Variants in BAG1 observed in about 807,000 individuals in gnomAD.
BAG1 encodes BAG cochaperone 1.
A neutral mutation model predicts 35.5 loss-of-function variants in BAG1; 35 were observed. The observed-to-expected ratio is 0.99, with a 90% CI of 0.75 to 1.31. The LOEUF (loss-of-function observed/expected upper bound fraction) is 1.31. Among genes scored for constraint, BAG1 ranks in the 50% most tolerant of loss-of-function variants. The probability of loss-of-function intolerance (pLI) is 0.00; values close to 1 mark genes in which losing one functional copy is unlikely to be tolerated. For synonymous variants in BAG1, 191 were observed against 178.9 expected (o/e 1.07, Z -0.54); for missense variants, 464 against 453.6 (o/e 1.02, Z -0.21).
At position 33,264,394 on chromosome 9, in the gene BAG1, A is replaced by C. The variant is rs1820659369; in HGVS notation, c.281T>G (p.Leu94Arg). ...TTCACTCCAGGTCGCTTCCTCACTC[A>C]GGGTCAACTCCTCGCTCCGGGTCAA... The change falls in exon 1 of 7, where the codon CTG becomes CGG. Residue 94 changes from leucine (L) to arginine (R), a missense_variant. Leu to Arg is a moderately radical substitution (Grantham distance 102). Transcript: ENST00000634734. The C allele has an allele frequency of 1.9e-6, 3 of 1,609,380 alleles. No individual in the cohort carries two copies. Among genetic ancestry groups the C allele is most frequent in the Non-Finnish European group, 2.5e-6 (3 of 1,178,660 alleles).
chr9:33,259,063 A>G (rs750898861), intron 3 of BAG1, 30 bp from the exon 4 acceptor site: 6 of 1,587,260 alleles, frequency 3.8e-6, no homozygotes, highest in East Asian at 2.2e-5. Flanking sequence ...AATAAAGCCA[A>G]TAGTCAAAAA....
At chr9:33,263,404 T>G (rs1288952578) in intron 1 of BAG1, among the ~76,000 whole-genome samples, 1 of 152,224 alleles carries the variant, frequency 6.6e-6, no homozygotes, top group Non-Finnish European at 1.5e-5. Context: ...AACAGACAAA[T>G]GCATACGAAC....
In BAG1 at chr9:33,264,251, C is replaced by G; in HGVS notation, c.424G>C (p.Ala142Pro). The change falls in exon 1 of 7, where the codon GCT (alanine) becomes CCT (proline). Residue 142 changes from alanine (A) to proline (P), a missense_variant. By Grantham distance (27) the Ala-to-Pro change is conservative. Coordinates refer to ENST00000634734, the MANE Select transcript of BAG1 (RefSeq NM_004323.6). ...TGGGTGACAGTCACGGTGAGCCCAG[C>G]TGCCGCCATTTCCTCCCTGGTCACC... 1 of 1,611,804 alleles carries G rather than the reference C, an allele frequency of 6.2e-7. No homozygotes were observed. The highest frequency in any genetic ancestry group is 1.7e-4 in the Middle Eastern group (1 of 6,058).
In BAG1 at chr9:33,252,913, A is replaced by G. The variant is rs1042503533; in HGVS notation, c.*2306T>C. ...GAGCTGTTCAAGCAGAGGTAGTAGC[A>G]GGAGCAAAGACCCCCAGGCAGGAGA... On this transcript the variant is annotated 3_prime_UTR_variant, in exon 7 of 7. Transcript: ENST00000634734. 6.6e-6 allele frequency: 1 copy of G among 152,182 alleles called. No homozygotes were observed. Among genetic ancestry groups the G allele is most frequent in the African/African-American group, 2.4e-5 (1 of 41,378 alleles). The allele number at this position is 152,182 out of a possible 1,614,324, so 9.4% of individuals were successfully genotyped here. A position where few individuals can be genotyped will look rare whatever the true frequency, so the allele number is the denominator to read the frequency against.
rs758160223 is a variant in BAG1 at position 33,255,279 on chromosome 9, C to T, written c.978G>A (p.Glu326=). 1 of 1,614,250 alleles carries T rather than the reference C, an allele frequency of 6.2e-7. No homozygotes were observed. Among genetic ancestry groups the T allele is most frequent in the Non-Finnish European group, 8.5e-7 (1 of 1,180,046 alleles). Residue 326 remains glutamate, a synonymous_variant, in exon 7 of 7, where the codon GAG becomes GAA. Coordinates refer to ENST00000634734, the MANE Select transcript of BAG1 (RefSeq NM_004323.6). ...GCTCAGTCTCCTGGCAGATGTTCTG[C>T]TCCACTGTGTCACACTCGGCTAGGA...
rs561258271 is a variant in BAG1 at position 33,264,286 on chromosome 9, C to T, written c.389G>A (p.Arg130Gln). Reference sequence around the variant, plus strand: ...TTCCTCCCTGGTCACCTCCTCGCTCCGGGTCGACTCCTCGTCCCGGGTCAC... The same window carrying T: ...TTCCTCCCTGGTCACCTCCTCGCTCTGGGTCGACTCCTCGTCCCGGGTCAC... Residue 130 changes from arginine (R) to glutamine (Q), a missense_variant, in exon 1 of 7, where the codon CGG (arginine) becomes CAG (glutamine). Physicochemically the swap from Arg to Gln is conservative, Grantham distance 43. Coordinates refer to ENST00000634734, the MANE Select transcript of BAG1 (RefSeq NM_004323.6). 1.4e-5 allele frequency: 22 copies of T among 1,613,930 alleles called. No homozygotes were observed. In the East Asian group the frequency reaches 4.7e-4, roughly 34 times the overall value.
At position 33,255,931 on chromosome 9, in the gene BAG1, T is replaced by C; in HGVS notation, c.886-4A>G. 6.2e-7 allele frequency: 1 copy of C among 1,610,774 alleles called. No homozygotes were observed. The highest frequency in any genetic ancestry group is 1.1e-5 in the South Asian group (1 of 91,022). ...CTTTGAAATTTTCTGGCAGGATCTATGGAAGAGTAAGTTGATAATACAAGT... is the reference window on the plus strand; with the variant it reads ...CTTTGAAATTTTCTGGCAGGATCTACGGAAGAGTAAGTTGATAATACAAGT... On this transcript the variant is annotated splice_polypyrimidine_tract_variant and splice_region_variant and intron_variant, in intron 5 of 6. Transcript: ENST00000634734.
chr9:33,255,237 G>A lies in BAG1; in HGVS notation c.1020C>T (p.Asn340=). 2 of 1,614,208 alleles carry A rather than the reference G, an allele frequency of 1.2e-6. No individual in the cohort carries two copies. Among genetic ancestry groups the A allele is most frequent in the East Asian group, 4.5e-5 (2 of 44,888 alleles). The change falls in exon 7 of 7, where the codon AAC becomes AAT. Residue 340 remains asparagine, a synonymous_variant. Coordinates refer to ENST00000634734, the MANE Select transcript of BAG1 (RefSeq NM_004323.6). ...CTACACCTCACTCGGCCAGGGCAAA[G>A]TTTGTAGACTGCAGCCGCTCAGTCT... is the stretch of plus-strand genomic sequence containing the variant.
chr9:33,257,041 C>T, intron 4 of BAG1, 133 bp from the exon 5 acceptor site: 2 of 640,418 alleles, frequency 3.1e-6, no homozygotes, highest in Non-Finnish European at 5.4e-6. Context: ...AGATCCACAA[C>T]TTTAACTCTT....
In BAG1 at chr9:33,262,747, C is replaced by G. The variant is rs1323671859; in HGVS notation, c.535G>C (p.Glu179Gln). The G allele has an allele frequency of 1.9e-6, 3 of 1,614,034 alleles. No homozygotes were observed. The East Asian group carries it at 6.7e-5, about 36-fold the overall frequency. ...AAAGACTGTGGAACCCCTATGACCT[C>G]TTCAACAACCTGGGCCAGGTCTTGG... Residue 179 changes from glutamate to glutamine, a missense_variant, in exon 2 of 7, where the codon GAG becomes CAG. Physicochemically the swap from Glu to Gln is conservative, Grantham distance 29. Coordinates refer to ENST00000634734, the MANE Select transcript of BAG1 (RefSeq NM_004323.6).
At chr9:33,262,148 G>T (rs1334042199) in intron 2 of BAG1, 4 of 1,289,670 alleles carry the variant, frequency 3.1e-6, no homozygotes, top group Non-Finnish European at 4.0e-6. Context: ...AAAATGGTGA[G>T]ATTTCTGCCA....
rs1379407901 is a variant in BAG1 at position 33,259,001 on chromosome 9, C to A, written c.696G>T (p.Lys232Asn). Residue 232 changes from lysine to asparagine, a missense_variant, in exon 4 of 7, where the codon AAG becomes AAT. Coordinates refer to ENST00000634734, the MANE Select transcript of BAG1 (RefSeq NM_004323.6). ...CCACAGACTTCTCCAAATGTTTCAA[C>A]TTCTTTAGTTCAACCTCTTCCTGTG... 6.2e-7 allele frequency: 1 copy of A among 1,614,166 alleles called. No homozygotes were observed. Among genetic ancestry groups the A allele is most frequent in the Non-Finnish European group, 8.5e-7 (1 of 1,179,986 alleles).
intron 6 of BAG1, among the ~76,000 whole-genome samples, chr9:33,255,607 T>C (rs1425857025): frequency 1.3e-5 from 2 of 152,256 alleles, no homozygotes; most frequent in Non-Finnish European, 1.5e-5. Flanking sequence ...TGTGCATGAA[T>C]ACTGCCTCCT....
At chr9:33,259,854 C>T (rs1242791725) in intron 3 of BAG1, 1 of 152,232 alleles carries the variant, frequency 6.6e-6, no homozygotes, top group East Asian at 1.9e-4. Context: ...ACACACTATC[C>T]TAAGCACCTT....
At chr9:33,258,695 C>T (rs1053601868) in intron 4 of BAG1, among the ~76,000 whole-genome samples, 2 of 152,208 alleles carry the variant, frequency 1.3e-5, no homozygotes, top group African/African-American at 4.8e-5. Flanking sequence ...GCTCAATCTA[C>T]ATTATTTAAT....
rs1820604140 is a variant in BAG1 at position 33,262,778 on chromosome 9, T to C, written c.504A>G (p.Pro168=). Residue 168 remains proline, a synonymous_variant, in exon 2 of 7, where the codon CCA becomes CCG. Transcript: ENST00000634734. ...CAACCTGGGCCAGGTCTTGGACAAC[T>C]GGTTCACTGCTGCCCTGCTGGGAGG... is the stretch of plus-strand genomic sequence containing the variant. The C allele has an allele frequency of 1.2e-6, 2 of 1,614,016 alleles. No homozygotes were observed. The highest frequency in any genetic ancestry group is 8.5e-7 in the Non-Finnish European group (1 of 1,179,986).
chr9:33,264,621 A>G lies in BAG1; in HGVS notation c.54T>C (p.Gly18=). ...CTGGCCGAAGGGCGCGCAGCCGGGA[A>G]CCCAGCCGCTCCCGGTCGCCTCGCG... is the stretch of plus-strand genomic sequence containing the variant. The change falls in exon 1 of 7, where the codon GGT becomes GGC. Residue 18 remains glycine, a synonymous_variant. Transcript: ENST00000634734. 1 of 1,357,700 alleles carries G rather than the reference A, an allele frequency of 7.4e-7. No individual in the cohort carries two copies. The highest frequency in any genetic ancestry group is 9.4e-7 in the Non-Finnish European group (1 of 1,064,134). The allele number at this position is 1,357,700 out of a possible 1,614,324, so 84.1% of individuals were successfully genotyped here.
intron 3 of BAG1, 89 bp downstream of exon 3, chr9:33,260,998 G>A (rs991232604): frequency 9.6e-7 from 1 of 1,041,170 alleles, no homozygotes; most frequent in African/African-American, 1.6e-5. Flanking sequence ...GCAGAATCTG[G>A]GTCCCCAGTT....
intron 3 of BAG1, among the ~76,000 whole-genome samples, chr9:33,260,651 T>A (rs533334602): frequency 6.6e-6 from 1 of 152,240 alleles, no homozygotes; most frequent in African/African-American, 2.4e-5. Flanking sequence ...AGTCGAAGGT[T>A]TTCCCTTGTG....
Sources: allele counts gnomAD v4.1 joint callset (sites outside exome capture counted in the v4.1 genomes callset), GRCh38; gene constraint gnomAD v4.1.1; transcripts MANE v1.5; gene names NCBI Gene and HGNC (gene_info 2026-07-23, HGNC 2026-07-21).